ADAMTSL3: variants seen among roughly 807,000 people sequenced by gnomAD.
ADAMTSL3 encodes ADAMTS like 3, also known as ADAMTS-like protein 3.
In ADAMTSL3, 128 loss-of-function variants were observed where a neutral mutation model predicts 201.7. The ratio of observed to expected loss-of-function variants is 0.63; its 90% CI spans 0.55 to 0.73. The LOEUF (loss-of-function observed/expected upper bound fraction) is 0.73, where lower values mean the gene tolerates loss of function less well. ADAMTSL3 is among the 30% of genes least tolerant of loss of function. ADAMTSL3 has a pLI of 0.00. For missense variants in ADAMTSL3, 1,990 were observed against 2,119.6 expected (o/e 0.94, Z 1.20); for synonymous variants, 738 against 748.4 (o/e 0.99, Z 0.23).
At chr15:83,994,739 G>T (rs2067652842) in intron 23 of ADAMTSL3, among the ~76,000 whole-genome samples, 1 of 150,116 alleles carries the variant, frequency 6.7e-6, no homozygotes, top group South Asian at 2.1e-4. Flanking sequence ...TGGGATTACA[G>T]GTACAAGCCA....
At chr15:83,962,944 A>C (rs1387512185) in intron 19 of ADAMTSL3, among the ~76,000 whole-genome samples, 4 of 152,218 alleles carry the variant, frequency 2.6e-5, no homozygotes, top group African/African-American at 9.6e-5. Flanking sequence ...AGCCAAGGGA[A>C]GCCGTGAGGG....
At chr15:83,937,863 G>A (rs1473783228) in intron 17 of ADAMTSL3, among the ~76,000 whole-genome samples, 1 of 150,760 alleles carries the variant, frequency 6.6e-6, no homozygotes, top group Non-Finnish European at 1.5e-5. Context: ...TGCTTAACTT[G>A]AGCTAATAAT....
chr15:83,720,592 GT>G (rs921729123), intron 3 of ADAMTSL3, among the ~76,000 whole-genome samples: 3 of 152,158 alleles, frequency 2.0e-5, no homozygotes, highest in African/African-American at 2.4e-5. Flanking sequence ...GTGACAAAAG[GT>G]TTTTAGAATT....
chr15:83,860,783 C>T (rs145802330), intron 8 of ADAMTSL3, among the ~76,000 whole-genome samples: 4 of 152,226 alleles, frequency 2.6e-5, no homozygotes, highest in South Asian at 2.1e-4. Flanking sequence ...ACTGAGGTAC[C>T]GGGTTCCTCT....
intron 3 of ADAMTSL3, among the ~76,000 whole-genome samples, chr15:83,746,602 C>A (rs1049552273): frequency 6.6e-6 from 1 of 152,038 alleles, no homozygotes; most frequent in Non-Finnish European, 1.5e-5. Flanking sequence ...TAACTGGGAA[C>A]CTTTTGGGTA....
At chr15:83,767,414 A>T (rs1013176260) in intron 3 of ADAMTSL3, among the ~76,000 whole-genome samples, 1 of 152,240 alleles carries the variant, frequency 6.6e-6, no homozygotes, top group Non-Finnish European at 1.5e-5. Context: ...ACAACTTACC[A>T]TATAAAATAA....
intron 23 of ADAMTSL3, among the ~76,000 whole-genome samples, chr15:84,010,521 A>C (rs1442323799): frequency 6.6e-6 from 1 of 152,224 alleles, no homozygotes; most frequent in East Asian, 1.9e-4. Context: ...TCACACATCT[A>C]ATCTTTGCCA....
At chr15:83,905,226 C>G (rs1455632053) in intron 15 of ADAMTSL3, among the ~76,000 whole-genome samples, 1 of 152,168 alleles carries the variant, frequency 6.6e-6, no homozygotes, top group East Asian at 1.9e-4. Context: ...ATGGAGTAGA[C>G]AGAGAAGTGA....
intron 3 of ADAMTSL3, among the ~76,000 whole-genome samples, chr15:83,707,353 T>C (rs907605341): frequency 2.6e-5 from 4 of 152,210 alleles, no homozygotes; most frequent in African/African-American, 9.6e-5. Context: ...AAACACTCAA[T>C]TCAAAGAATC....
chr15:83,699,841 A>G (rs1337317340), intron 2 of ADAMTSL3, among the ~76,000 whole-genome samples: 1 of 152,128 alleles, frequency 6.6e-6, no homozygotes, highest in East Asian at 1.9e-4. Flanking sequence ...ATCATCTGAA[A>G]TCTTATCTTC....
chr15:83,927,425 T>C lies in ADAMTSL3; in HGVS notation c.2117+3392T>C, dbSNP rs1164830672. On this transcript the variant is annotated intron_variant, in intron 17 of 29. Transcript: ENST00000286744. ...CACCGCACCTGGCCCATGAATCCTT[T>C]TCTATGTACTGTTTTATTTAAAACA... Among the ~76,000 whole-genome samples, 6 of 152,144 alleles carry C rather than the reference T, an allele frequency of 3.9e-5. No individual in the cohort carries two copies. The East Asian group carries it at 7.7e-4, about 20-fold the overall frequency.
At chr15:84,015,226 G>A (rs1195402021) in intron 24 of ADAMTSL3, among the ~76,000 whole-genome samples, 3 of 152,188 alleles carry the variant, frequency 2.0e-5, no homozygotes, top group African/African-American at 7.2e-5. Flanking sequence ...TTACAGGCAT[G>A]AACCACTGCG....
chr15:83,763,947 C>T (rs1404350767), intron 3 of ADAMTSL3, among the ~76,000 whole-genome samples: 1 of 152,214 alleles, frequency 6.6e-6, no homozygotes, highest in Admixed American at 6.5e-5. Context: ...TGCTCTCATT[C>T]TGTACACACA....
Position 84,017,881 on chromosome 15 carries a change from C to T in ADAMTSL3, c.4273+1382C>T, listed in dbSNP as rs150615024. ...TCACGTAAACAGATACTGTAAAGCA[C>T]TGGGACAAGTTCCATAATAAAAAGA... On this transcript the variant is annotated intron_variant, in intron 25 of 29. Transcript: ENST00000286744. Among the ~76,000 whole-genome samples the T allele has an allele frequency of 5.8e-4, 88 of 152,302 alleles. 1 individual carries two copies. The highest frequency in any genetic ancestry group is 2.0e-3 in the African/African-American group (85 of 41,554).
chr15:83,754,791 A>G (rs1179461983), intron 3 of ADAMTSL3, among the ~76,000 whole-genome samples: 1 of 152,196 alleles, frequency 6.6e-6, no homozygotes, highest in Admixed American at 6.5e-5. Flanking sequence ...AGGATTTGCT[A>G]AATTGAGATG....
chr15:83,762,579 C>T (rs554687454), intron 3 of ADAMTSL3, among the ~76,000 whole-genome samples: 24 of 152,204 alleles, frequency 1.6e-4, no homozygotes, highest in African/African-American at 4.8e-4. Context: ...TATGTCCTCA[C>T]GCGGTGGGAG....
At chr15:83,745,156 T>C (rs1313453614) in intron 3 of ADAMTSL3, among the ~76,000 whole-genome samples, 1 of 152,218 alleles carries the variant, frequency 6.6e-6, no homozygotes, top group African/African-American at 2.4e-5. Flanking sequence ...CTTGACAACG[T>C]TGCTTCAGAG....
chr15:83,753,661 CT>C (rs374458161), intron 3 of ADAMTSL3, among the ~76,000 whole-genome samples: 204 of 144,892 alleles, frequency 1.4e-3, no homozygotes, highest in East Asian at 5.8e-3. Flanking sequence ...AAAAACTGTG[CT>C]TTTTTTTTTT....
intron 13 of ADAMTSL3, among the ~76,000 whole-genome samples, chr15:83,894,818 C>CATATAT (rs72182889): frequency 9.2e-4 from 139 of 150,544 alleles, no homozygotes; most frequent in African/African-American, 3.2e-3. Flanking sequence ...GTCAAAATAA[C>CATATAT]ATATATATAT....
Sources: gnomAD v4.1 joint callset for allele counts (sites outside exome capture counted in the v4.1 genomes callset) on GRCh38, gnomAD v4.1.1 for gene constraint, MANE v1.5 for transcripts, NCBI Gene and HGNC (gene_info 2026-07-23, HGNC 2026-07-21) for gene names.